The following GON4L variants were observed in gnomAD, a reference collection of about 807,000 sequenced individuals.
The protein encoded by GON4L is GON-4-like protein.
A neutral mutation model predicts 211.8 loss-of-function variants in GON4L; 87 were observed. The observed-to-expected ratio is 0.41, with a 90% confidence interval of 0.35 to 0.49. The LOEUF (loss-of-function observed/expected upper bound fraction) is 0.49, where lower values mean the gene tolerates loss of function less well. Ranked by LOEUF, GON4L falls within the 20% of genes least tolerant of loss-of-function variation. GON4L has a pLI of 0.15. For missense variants in GON4L, 2,155 were observed against 2,659.5 expected (o/e 0.81, Z 4.17); for synonymous variants, 875 against 962.6 (o/e 0.91, Z 1.68).
downstream of GON4L, chr1:155,748,510 G>A (rs1033091087): frequency 8.1e-6 from 13 of 1,613,734 alleles, no homozygotes; most frequent in African/African-American, 1.3e-4. Context: ...TGGCTGACAT[G>A]CTGAGCTTCT....
intron 3 of GON4L, among the ~76,000 whole-genome samples, chr1:155,824,567 A>AC (rs765343589): frequency 2.0e-4 from 30 of 151,204 alleles, no homozygotes; most frequent in Non-Finnish European, 3.8e-4. Context: ...ACATGATGAA[A>AC]CCCCATCTCT....
intron 21 of GON4L, chr1:155,764,583 G>A (rs1181346706): frequency 2.6e-6 from 1 of 384,194 alleles, no homozygotes; most frequent in Non-Finnish European, 4.9e-6. Context: ...GGGATTACAG[G>A]TGTCCGCCAC....
intron 2 of GON4L, among the ~76,000 whole-genome samples, chr1:155,831,125 G>C (rs1355671630): frequency 6.6e-6 from 1 of 151,954 alleles, no homozygotes; most frequent in Non-Finnish European, 1.5e-5. Flanking sequence ...GTGGTGAAAC[G>C]CTATCTCGAC....
chr1:155,845,332 G>C (rs1671132254), intron 2 of GON4L: 1 of 196,284 alleles, frequency 5.1e-6, no homozygotes, highest in Non-Finnish European at 1.1e-5. Context: ...AGAAACTCCA[G>C]TGGGTCACAG....
Position 155,766,662 on chromosome 1 carries a change from A to T in GON4L, c.2811T>A (p.Gly937=). Reference sequence around the variant, plus strand: ...CAGTCATATTTCCTACCTCTCTAGCACCATCAGCCATGTGCCGCAGTTCTT... The same window carrying T: ...CAGTCATATTTCCTACCTCTCTAGCTCCATCAGCCATGTGCCGCAGTTCTT... The part of the protein sequence containing the change: ...IQEELRHMAD[G]AREVGNMTGT... The change falls in exon 21 of 32, where the codon GGT becomes GGA. Residue 937 remains glycine (G), a synonymous_variant. Transcript: ENST00000368331. The T allele has an allele frequency of 9.3e-6, 15 of 1,614,096 alleles. No individual in the cohort carries two copies. Among genetic ancestry groups the T allele is most frequent in the Non-Finnish European group, 1.3e-5 (15 of 1,180,016 alleles).
At chr1:155,754,197 A>G (rs1660909124) in intron 28 of GON4L, 178 bp downstream of exon 28, 1 of 661,996 alleles carries the variant, frequency 1.5e-6, no homozygotes, top group African/African-American at 1.8e-5. Flanking sequence ...CTCTTTAAAA[A>G]ACAAAATCTA....
upstream of GON4L, among the ~76,000 whole-genome samples, chr1:155,858,794 C>A (rs1310223146): frequency 6.7e-6 from 1 of 150,356 alleles, no homozygotes; most frequent in African/African-American, 2.4e-5. Flanking sequence ...GCAACCTCCA[C>A]CTCCTGGGCT....
At chr1:155,768,389 T>C (rs974122687) in intron 19 of GON4L, among the ~76,000 whole-genome samples, 3 of 149,842 alleles carry the variant, frequency 2.0e-5, no homozygotes, top group Non-Finnish European at 4.4e-5. Flanking sequence ...GGTGGGCAGA[T>C]CACGAGGTCA....
chr1:155,754,365 CTTT>C lies in GON4L; in HGVS notation c.5631+7_5631+9del. ...TCTGATACCCTCGGGACCCTTGATA[CTTT>C]CCTCACCTTGCTGCTACAGTGGCTA... On this transcript the variant is annotated splice_region_variant and intron_variant, in intron 28 of 31. Transcript: ENST00000368331. 6.5e-7 allele frequency: 1 copy of C among 1,547,624 alleles called. No homozygotes were observed. The highest frequency in any genetic ancestry group is 8.9e-7 in the Non-Finnish European group (1 of 1,119,370).
At chr1:155,764,229 C>T (rs1409910623) in intron 21 of GON4L, among the ~76,000 whole-genome samples, 1 of 151,796 alleles carries the variant, frequency 6.6e-6, no homozygotes, top group Non-Finnish European at 1.5e-5. Flanking sequence ...AGCAATTCTC[C>T]TGCCTCAACT....
At chr1:155,819,878 T>C (rs1425191603) in intron 6 of GON4L, among the ~76,000 whole-genome samples, 2 of 152,174 alleles carry the variant, frequency 1.3e-5, no homozygotes, top group African/African-American at 4.8e-5. Flanking sequence ...GTCCTGATTC[T>C]CAGGTCTGGG....
At chr1:155,804,388 A>G (rs1666951982) in intron 11 of GON4L, among the ~76,000 whole-genome samples, 1 of 152,160 alleles carries the variant, frequency 6.6e-6, no homozygotes, top group East Asian at 1.9e-4. Flanking sequence ...CTCAAAAACA[A>G]AAGACAACAA....
chr1:155,852,162 C>CAAA (rs150456648), intron 2 of GON4L, among the ~76,000 whole-genome samples: 6 of 77,858 alleles, frequency 7.7e-5, no homozygotes, highest in African/African-American at 1.8e-4. Flanking sequence ...GAGACTGTCA[C>CAAA]AAAAAAAAAA....
intron 8 of GON4L, among the ~76,000 whole-genome samples, 160 bp from the exon 9 acceptor site, chr1:155,814,609 G>C (rs572173138): frequency 2.6e-5 from 4 of 152,138 alleles, no homozygotes; most frequent in Admixed American, 2.6e-4. Flanking sequence ...AGCCAGGCGC[G>C]GTGGCGTGCA....
At chr1:155,756,910 CAG>C (rs1557823746) in intron 27 of GON4L, 46 bp downstream of exon 27, 4 of 1,455,814 alleles carry the variant, frequency 2.7e-6, no homozygotes, top group Non-Finnish European at 2.9e-6. Context: ...GTTTGGGTGA[CAG>C]AGCGAGATTC....
At chr1:155,819,691 C>T (rs1166524896) in intron 6 of GON4L, among the ~76,000 whole-genome samples, 3 of 152,168 alleles carry the variant, frequency 2.0e-5, no homozygotes, top group Non-Finnish European at 4.4e-5. Context: ...TATTACCTGC[C>T]TTGTAAGCAC....
intron 2 of GON4L, among the ~76,000 whole-genome samples, chr1:155,829,210 A>C (rs1392269651): frequency 6.6e-6 from 1 of 152,098 alleles, no homozygotes; most frequent in Non-Finnish European, 1.5e-5. Flanking sequence ...TGACTTACAT[A>C]CCCTAATTTC....
chr1:155,791,043 C>A (rs891667099), intron 12 of GON4L, among the ~76,000 whole-genome samples: 2 of 151,518 alleles, frequency 1.3e-5, no homozygotes, highest in African/African-American at 4.8e-5. Flanking sequence ...GGGCAGATCA[C>A]CTGAGGTCAG....
chr1:155,776,005 A>G (rs1663782711), intron 16 of GON4L, among the ~76,000 whole-genome samples: 1 of 152,098 alleles, frequency 6.6e-6, no homozygotes, highest in Admixed American at 6.6e-5. Flanking sequence ...CTAGTCTGGA[A>G]CTACTGGGGT....
Sources: gnomAD v4.1 joint callset for allele counts (sites outside exome capture counted in the v4.1 genomes callset) on GRCh38, gnomAD v4.1.1 for gene constraint, MANE v1.5 for transcripts, NCBI Gene and HGNC (gene_info 2026-07-23, HGNC 2026-07-21) for gene names.